Variants in TAFA1 observed in about 807,000 individuals in gnomAD.
The protein encoded by TAFA1 is TAFA chemokine like family member 1.
Under a neutral mutation model 18.5 loss-of-function variants are expected in TAFA1, and 4 were observed. The observed-to-expected ratio is 0.22, with a 90% confidence interval of 0.11 to 0.49. The LOEUF is 0.49. Ranked by LOEUF, TAFA1 falls within the 20% of genes least tolerant of loss-of-function variation. The probability of loss-of-function intolerance (pLI) is 0.98; values close to 1 mark genes in which losing one functional copy is unlikely to be tolerated. For synonymous variants in TAFA1, 56 were observed against 55.2 expected (o/e 1.01, Z -0.06); for missense variants, 147 against 169.0 (o/e 0.87, Z 0.72).
intron 3 of TAFA1, among the ~76,000 whole-genome samples, chr3:68,512,331 T>A (rs1309717369): frequency 6.6e-6 from 1 of 152,172 alleles, no homozygotes. Context: ...CAGTAGAAAC[T>A]ATTTTTTCAA....
At chr3:68,493,590 A>G (rs1267212915) in intron 3 of TAFA1, among the ~76,000 whole-genome samples, 3 of 152,216 alleles carry the variant, frequency 2.0e-5, no homozygotes, top group African/African-American at 7.2e-5. Flanking sequence ...CCTATTTTAC[A>G]TTCACACCAA....
chr3:68,384,863 T>C (rs562354696), intron 2 of TAFA1, among the ~76,000 whole-genome samples: 1 of 152,244 alleles, frequency 6.6e-6, no homozygotes, highest in African/African-American at 2.4e-5. Context: ...ATTGAGTGTA[T>C]ATATATTTAG....
At chr3:68,510,600 C>T (rs555837197) in intron 3 of TAFA1, among the ~76,000 whole-genome samples, 2 of 152,214 alleles carry the variant, frequency 1.3e-5, no homozygotes, top group East Asian at 1.9e-4. Flanking sequence ...ACAGTCCACA[C>T]AATATTGCTA....
intron 2 of TAFA1, among the ~76,000 whole-genome samples, chr3:68,236,677 G>C (rs1017897152): frequency 2.6e-5 from 4 of 152,132 alleles, no homozygotes; most frequent in African/African-American, 9.7e-5. Context: ...ATTTTTCATG[G>C]GAAAATGTAT....
chr3:68,143,812 A>G (rs766550542), intron 2 of TAFA1, among the ~76,000 whole-genome samples: 1 of 152,158 alleles, frequency 6.6e-6, no homozygotes, highest in Non-Finnish European at 1.5e-5. Flanking sequence ...AGACAAAGGA[A>G]TGCACTAAAT....
At chr3:68,455,551 A>G (rs552176898) in intron 3 of TAFA1, among the ~76,000 whole-genome samples, 1 of 152,136 alleles carries the variant, frequency 6.6e-6, no homozygotes, top group Admixed American at 6.6e-5. Flanking sequence ...TCAGGTTTCG[A>G]TGCATTCATC....
intron 3 of TAFA1, among the ~76,000 whole-genome samples, chr3:68,502,045 G>A (rs1369554008): frequency 6.6e-6 from 1 of 152,124 alleles, no homozygotes; most frequent in African/African-American, 2.4e-5. Flanking sequence ...CTTAGTACAT[G>A]GAAATTCTTT....
intron 3 of TAFA1, among the ~76,000 whole-genome samples, chr3:68,436,043 A>T (rs886324746): frequency 6.6e-6 from 1 of 152,196 alleles, no homozygotes; most frequent in Non-Finnish European, 1.5e-5. Context: ...GGATAACCAG[A>T]GTTGAGAACC....
chr3:68,542,371 A>G, intron 4 of TAFA1, among the ~76,000 whole-genome samples: 1 of 152,202 alleles, frequency 6.6e-6, no homozygotes, highest in East Asian at 1.9e-4. Flanking sequence ...AGACTAACCA[A>G]CCAAAATATT....
chr3:68,129,805 T>C (rs1275527713), intron 2 of TAFA1, among the ~76,000 whole-genome samples: 1 of 152,194 alleles, frequency 6.6e-6, no homozygotes, highest in Non-Finnish European at 1.5e-5. Context: ...CGTAACCACA[T>C]GGCCTGAAAG....
chr3:68,345,875 G>T (rs368377544), intron 2 of TAFA1, among the ~76,000 whole-genome samples: 7 of 152,150 alleles, frequency 4.6e-5, no homozygotes, highest in African/African-American at 1.7e-4. Flanking sequence ...GTAATGAGAT[G>T]CACATTCTCT....
chr3:68,215,548 T>C (rs1319097981), intron 2 of TAFA1, among the ~76,000 whole-genome samples: 4 of 151,984 alleles, frequency 2.6e-5, no homozygotes, highest in Non-Finnish European at 5.9e-5. Context: ...CTGTGAAAGA[T>C]ATTGTTAAGA....
At chr3:67,997,294 A>AT in the TAFA1 span, among the ~76,000 whole-genome samples, 3 of 152,208 alleles carry the variant, frequency 2.0e-5, no homozygotes, top group Non-Finnish European at 4.4e-5. Context: ...ATACACTGAT[A>AT]TGCATCTAGC....
At chr3:68,210,603 T>C (rs1226113428) in intron 2 of TAFA1, among the ~76,000 whole-genome samples, 1 of 152,010 alleles carries the variant, frequency 6.6e-6, no homozygotes, top group Admixed American at 6.6e-5. Context: ...AGAAAGACTA[T>C]AAATATTCAA....
rs545990440 is a variant in TAFA1 at position 68,363,530 on chromosome 3, G to A, written c.119-53750G>A. On this transcript the variant is annotated intron_variant, in intron 2 of 4. Coordinates refer to ENST00000478136, the MANE Select transcript of TAFA1 (RefSeq NM_213609.4). Reference sequence around the variant, plus strand: ...CATGGAAAATGGGAATTCAAAGTCCGAAAGACAAGCTTTTGATCTTTAGGG... The same window carrying A: ...CATGGAAAATGGGAATTCAAAGTCCAAAAGACAAGCTTTTGATCTTTAGGG... Among the ~76,000 whole-genome samples the A allele has an allele frequency of 1.1e-4, 17 of 152,270 alleles. No individual in the cohort carries two copies. In the South Asian group the frequency reaches 2.9e-3, roughly 26 times the overall value.
chr3:67,991,731 GC>G, the TAFA1 span, among the ~76,000 whole-genome samples: 3 of 152,148 alleles, frequency 2.0e-5, no homozygotes, highest in African/African-American at 7.2e-5. Flanking sequence ...CTTGGATTGA[GC>G]CACGCTACTG....
chr3:68,256,482 G>A (rs2067299514), intron 2 of TAFA1, among the ~76,000 whole-genome samples: 1 of 152,098 alleles, frequency 6.6e-6, no homozygotes. Context: ...TCCACATATT[G>A]TAGTACAAAG....
rs1489100172 is a variant in TAFA1 at position 68,424,581 on chromosome 3, G to T, written c.259+7161G>T. Reference sequence around the variant, plus strand: ...TTCTGGTGATTGCTCCTGGGAAAAAGTCATGATACAATTTTCTTGACCACA... The same window carrying T: ...TTCTGGTGATTGCTCCTGGGAAAAATTCATGATACAATTTTCTTGACCACA... On this transcript the variant is annotated intron_variant, in intron 3 of 4. Transcript: ENST00000478136. Among the ~76,000 whole-genome samples, 6 of 151,914 alleles carry T rather than the reference G, an allele frequency of 3.9e-5. No individual in the cohort carries two copies. In the East Asian group the frequency reaches 5.8e-4, roughly 15 times the overall value.
intron 2 of TAFA1, among the ~76,000 whole-genome samples, chr3:68,015,292 CT>C (rs68104013): frequency 1.4e-5 from 2 of 145,302 alleles, no homozygotes. Context: ...TTTTTCTTTC[CT>C]TTTTTTTTTT....
Sources: gnomAD v4.1 joint callset for allele counts (sites outside exome capture counted in the v4.1 genomes callset) on GRCh38, gnomAD v4.1.1 for gene constraint, MANE v1.5 for transcripts, NCBI Gene and HGNC (gene_info 2026-07-23, HGNC 2026-07-21) for gene names.